CHODL: variants seen among roughly 807,000 people sequenced by gnomAD.
CHODL encodes the protein transmembrane protein MT75.
A neutral mutation model predicts 34.5 loss-of-function variants in CHODL; 29 were observed. That is an observed-to-expected ratio of 0.84 (90% CI 0.63 to 1.15). The LOEUF is 1.15. Ranked by LOEUF, CHODL falls within the 50% of genes most tolerant of loss-of-function variation. The probability of loss-of-function intolerance (pLI) is 0.00; values close to 1 mark genes in which losing one functional copy is unlikely to be tolerated. For synonymous variants in CHODL, 125 were observed against 116.1 expected (o/e 1.08, Z -0.49); for missense variants, 332 against 332.5 (o/e 1.00, Z 0.01).
chr21:17,921,717 A>T (rs923620218), intron 1 of CHODL, among the ~76,000 whole-genome samples: 2 of 152,216 alleles, frequency 1.3e-5, no homozygotes, highest in Non-Finnish European at 2.9e-5. Context: ...CTGATGAATC[A>T]TTCTGGCAGC....
At chr21:18,091,777 T>G (rs763575810) in intron 2 of CHODL, among the ~76,000 whole-genome samples, 6 of 152,110 alleles carry the variant, frequency 3.9e-5, no homozygotes, top group Non-Finnish European at 7.4e-5. Flanking sequence ...AAAGAGCCCT[T>G]GGGCTTTAAG....
At position 18,116,780 on chromosome 21, in the gene CHODL, G is replaced by T. The variant is rs573306339; in HGVS notation, c.-45+88809G>T. Among the ~76,000 whole-genome samples the T allele has an allele frequency of 1.4e-4, 22 of 152,278 alleles. No individual in the cohort carries two copies. In the South Asian group the frequency reaches 3.5e-3, roughly 24 times the overall value. On this transcript the variant is annotated intron_variant, in intron 2 of 6. Coordinates refer to the CHODL transcript ENST00000400127. ...GAATCAGAAGACGTCACCTGCTAGG[G>T]AGTTGAAGCCTTTGGGGCTCAGACA...
chr21:18,178,778 G>GA (rs2073346685), intron 2 of CHODL, among the ~76,000 whole-genome samples: 1 of 152,160 alleles, frequency 6.6e-6, no homozygotes, highest in Non-Finnish European at 1.5e-5. Flanking sequence ...GGCAGAGGTG[G>GA]AAGAAAATCT....
intron 2 of CHODL, among the ~76,000 whole-genome samples, chr21:18,214,157 T>C (rs1299341323): frequency 6.6e-6 from 1 of 152,060 alleles, no homozygotes; most frequent in Non-Finnish European, 1.5e-5. Flanking sequence ...CTGGTTTAAA[T>C]TTTGACTTGT....
intron 1 of CHODL, among the ~76,000 whole-genome samples, chr21:17,940,624 T>C (rs2063354883): frequency 6.6e-6 from 1 of 152,218 alleles, no homozygotes. Context: ...GTTACAAGTA[T>C]GTTAGTTTAT....
rs1476728692 is a variant in CHODL at position 18,102,662 on chromosome 21, T to C, written c.-45+74691T>C. 2.6e-5 allele frequency among the ~76,000 whole-genome samples: 4 copies of C among 152,216 alleles called. No individual in the cohort carries two copies. The East Asian group carries it at 7.7e-4, about 29-fold the overall frequency. ...GCTCTAAAGAAATACCTATTGCTCT[T>C]TATAATTGTCTAACCCTTTAATTGA... On this transcript the variant is annotated intron_variant, in intron 2 of 6. Coordinates refer to the CHODL transcript ENST00000400127.
chr21:17,940,200 C>T (rs1228254667), intron 1 of CHODL, among the ~76,000 whole-genome samples: 1 of 152,172 alleles, frequency 6.6e-6, no homozygotes, highest in Non-Finnish European at 1.5e-5. Flanking sequence ...TAGATAAAAA[C>T]CCAACTGCAG....
chr21:18,042,803 T>C (rs2064392469), intron 2 of CHODL, among the ~76,000 whole-genome samples: 1 of 151,926 alleles, frequency 6.6e-6, no homozygotes, highest in South Asian at 2.1e-4. Flanking sequence ...ATATGCAAAA[T>C]TGTTGAATTT....
At chr21:18,179,876 TTG>T (rs1335051345) in intron 2 of CHODL, among the ~76,000 whole-genome samples, 2 of 152,226 alleles carry the variant, frequency 1.3e-5, no homozygotes, top group Non-Finnish European at 2.9e-5. Flanking sequence ...TGTATTTTAA[TTG>T]TGACATTGTT....
At chr21:17,930,038 C>T (rs1284448690) in intron 1 of CHODL, among the ~76,000 whole-genome samples, 1 of 152,146 alleles carries the variant, frequency 6.6e-6, no homozygotes, top group Non-Finnish European at 1.5e-5. Flanking sequence ...GAGAGCCCAG[C>T]CCCCAGAGGC....
intron 2 of CHODL, among the ~76,000 whole-genome samples, chr21:18,067,182 G>A (rs2064742545): frequency 6.6e-6 from 1 of 152,158 alleles, no homozygotes; most frequent in African/African-American, 2.4e-5. Flanking sequence ...GAGCTAGTGG[G>A]AAAGAGCTTA....
chr21:17,935,594 T>G (rs868269491), intron 1 of CHODL, among the ~76,000 whole-genome samples: 1 of 152,266 alleles, frequency 6.6e-6, no homozygotes, highest in African/African-American at 2.4e-5. Flanking sequence ...AGAATTATCT[T>G]TTTTAACAAA....
At chr21:17,946,990 A>T (rs759684645) in intron 1 of CHODL, among the ~76,000 whole-genome samples, 7 of 151,560 alleles carry the variant, frequency 4.6e-5, no homozygotes, top group Admixed American at 6.6e-5. Flanking sequence ...TAGTATGTTG[A>T]TTTCTTGCTT....
intron 1 of CHODL, among the ~76,000 whole-genome samples, chr21:18,018,397 A>T: frequency 6.6e-6 from 1 of 152,152 alleles, no homozygotes; most frequent in Non-Finnish European, 1.5e-5. Context: ...TATTTGGGTC[A>T]TGGGGGTGAA....
intron 1 of CHODL, among the ~76,000 whole-genome samples, chr21:17,991,658 ATTTT>A (rs35600353): frequency 7.8e-5 from 10 of 128,394 alleles, no homozygotes; most frequent in Non-Finnish European, 9.9e-5. Flanking sequence ...AGATTATTTG[ATTTT>A]TTTTTTTTTT....
chr21:18,115,372 C>T (rs909169552), intron 2 of CHODL, among the ~76,000 whole-genome samples: 1 of 152,192 alleles, frequency 6.6e-6, no homozygotes, highest in African/African-American at 2.4e-5. Flanking sequence ...AATCCTACTG[C>T]TAGCTTGCTT....
chr21:18,006,422 T>G (rs1162260230), intron 1 of CHODL, among the ~76,000 whole-genome samples: 1 of 152,022 alleles, frequency 6.6e-6, no homozygotes, highest in Non-Finnish European at 1.5e-5. Flanking sequence ...AGATGGAAAC[T>G]AACAAAGATC....
chr21:17,960,708 A>G (rs537827191), intron 1 of CHODL, among the ~76,000 whole-genome samples: 10 of 152,184 alleles, frequency 6.6e-5, no homozygotes, highest in East Asian at 1.9e-4. Context: ...ATAATGGACT[A>G]TTATCTGTTT....
At chr21:18,015,924 T>C (rs1181589413) in intron 1 of CHODL, among the ~76,000 whole-genome samples, 2 of 152,162 alleles carry the variant, frequency 1.3e-5, no homozygotes, top group Non-Finnish European at 2.9e-5. Context: ...CTAAAACATA[T>C]GCTCGTTTGC....
Sources: gnomAD v4.1 joint callset for allele counts (sites outside exome capture counted in the v4.1 genomes callset) on GRCh38, gnomAD v4.1.1 for gene constraint, MANE v1.5 for transcripts, NCBI Gene and HGNC (gene_info 2026-07-23, HGNC 2026-07-21) for gene names.